Variants in ELF2 observed in about 807,000 individuals in gnomAD.
The protein encoded by ELF2 is E74 like ETS transcription factor 2.
A neutral mutation model predicts 54.8 loss-of-function variants in ELF2; 11 were observed. The ratio of observed to expected loss-of-function variants is 0.20; its 90% CI spans 0.13 to 0.33. ELF2 has a LOEUF of 0.33. ELF2 is among the 10% of genes least tolerant of loss of function. The probability of loss-of-function intolerance (pLI) is 1.00; values close to 1 mark genes in which losing one functional copy is unlikely to be tolerated. For missense variants in ELF2, 513 were observed against 703.0 expected (o/e 0.73, Z 3.06); for synonymous variants, 203 against 245.1 (o/e 0.83, Z 1.61).
chr4:139,132,253 G>A (rs575544637), intron 3 of ELF2, among the ~76,000 whole-genome samples: 1 of 152,124 alleles, frequency 6.6e-6, no homozygotes, highest in African/African-American at 2.4e-5. Flanking sequence ...ACTTTAAAAA[G>A]GAATCCATTT....
intron 1 of ELF2, among the ~76,000 whole-genome samples, chr4:139,164,065 GGGGTGAGAGAGAAAGAGGGAGGGAGAGA>G (rs1741450745): frequency 1.3e-5 from 2 of 148,510 alleles, no homozygotes; most frequent in Non-Finnish European, 3.0e-5. Context: ...AGAAAGAGTG[GGGGTGAGAGAGAAAGAGGGAGGGAGAGA>G]GGGAGAGAGA....
At chr4:139,098,194 T>A (rs1399066116) in intron 4 of ELF2, among the ~76,000 whole-genome samples, 1 of 152,230 alleles carries the variant, frequency 6.6e-6, no homozygotes, top group Non-Finnish European at 1.5e-5. Flanking sequence ...TATTTTTAAT[T>A]TCATATATGC....
At chr4:139,148,045 C>G (rs1316811304) in intron 1 of ELF2, among the ~76,000 whole-genome samples, 1 of 150,506 alleles carries the variant, frequency 6.6e-6, no homozygotes, top group African/African-American at 2.5e-5. Flanking sequence ...CTCAGCCTCC[C>G]AAAATGCAGG....
At chr4:139,081,923 A>G (rs1731169341) in intron 4 of ELF2, among the ~76,000 whole-genome samples, 1 of 152,228 alleles carries the variant, frequency 6.6e-6, no homozygotes, top group Non-Finnish European at 1.5e-5. Context: ...CATTATTATC[A>G]TAAACTTTAA....
At chr4:139,115,624 T>G (rs1482880125) in intron 4 of ELF2, among the ~76,000 whole-genome samples, 1 of 152,060 alleles carries the variant, frequency 6.6e-6, no homozygotes, top group Admixed American at 6.5e-5. Flanking sequence ...AATGAGAGTT[T>G]CAGGAAAGAT....
At chr4:139,166,768 T>C (rs1235860302) in intron 1 of ELF2, among the ~76,000 whole-genome samples, 3 of 152,076 alleles carry the variant, frequency 2.0e-5, no homozygotes, top group Non-Finnish European at 4.4e-5. Context: ...CTCAGGAGGC[T>C]GAGGCAGGAG....
chr4:139,084,107 C>T (rs745591578), intron 4 of ELF2: 52 of 1,613,022 alleles, frequency 3.2e-5, no homozygotes, highest in Non-Finnish European at 4.2e-5. Context: ...CACCGATGCA[C>T]GGGAGAAAAG....
At chr4:139,111,190 C>T (rs942005672) in intron 4 of ELF2, among the ~76,000 whole-genome samples, 1 of 152,112 alleles carries the variant, frequency 6.6e-6, no homozygotes, top group African/African-American at 2.4e-5. Flanking sequence ...AGAACACTGT[C>T]GATGATGCCA....
chr4:139,140,729 G>A (rs1738621975), intron 1 of ELF2, among the ~76,000 whole-genome samples: 1 of 151,702 alleles, frequency 6.6e-6, no homozygotes, highest in Non-Finnish European at 1.5e-5. Context: ...ACTCAAGCCT[G>A]GGTGACAGAG....
At chr4:139,151,831 T>C (rs993455738) in intron 1 of ELF2, among the ~76,000 whole-genome samples, 5 of 152,368 alleles carry the variant, frequency 3.3e-5, no homozygotes, top group Non-Finnish European at 5.9e-5. Context: ...TACTAACCCT[T>C]TGACAAATTC....
chr4:139,060,241 T>A, intron 9 of ELF2, 83 bp downstream of exon 9: 1 of 1,269,898 alleles, frequency 7.9e-7, no homozygotes, highest in Non-Finnish European at 1.1e-6. Context: ...AACACTAATA[T>A]TAAGCAAAAG....
At position 139,094,950 on chromosome 4, in the gene ELF2, C is replaced by T. The variant is rs151254222; in HGVS notation, c.239-21383G>A. 9.7e-3 allele frequency among the ~76,000 whole-genome samples: 1,473 copies of T among 152,064 alleles called. 12 individuals are homozygous for T. Among genetic ancestry groups the T allele is most frequent in the Non-Finnish European group, 0.014 (933 of 67,992 alleles). ...TCTTATTGATTATTGCTCTTGCATA[C>T]GGCAAACCTGATGAAACTTCTTAAC... On this transcript the variant is annotated intron_variant, in intron 4 of 9. Coordinates refer to ENST00000686138, the MANE Select transcript of ELF2 (RefSeq NM_001331036.3).
At chr4:139,083,398 C>T (rs1186079305) in intron 4 of ELF2, among the ~76,000 whole-genome samples, 2 of 152,188 alleles carry the variant, frequency 1.3e-5, no homozygotes, top group African/African-American at 4.8e-5. Context: ...GGGGCATAAA[C>T]CTAGTTTCTT....
chr4:139,159,431 T>C (rs1740874863), intron 1 of ELF2, among the ~76,000 whole-genome samples: 4 of 152,112 alleles, frequency 2.6e-5, no homozygotes, highest in Admixed American at 2.6e-4. Context: ...CCAAGAACCA[T>C]TTGCCTTGTG....
At chr4:139,103,324 T>C (rs1389581963) in intron 4 of ELF2, among the ~76,000 whole-genome samples, 1 of 152,182 alleles carries the variant, frequency 6.6e-6, no homozygotes, top group African/African-American at 2.4e-5. Context: ...CCTAGGTATC[T>C]TCAGGATGGG....
At chr4:139,093,060 G>A (rs1038394518) in intron 4 of ELF2, among the ~76,000 whole-genome samples, 1 of 151,082 alleles carries the variant, frequency 6.6e-6, no homozygotes, top group Non-Finnish European at 1.5e-5. Context: ...CCGCCTCCCG[G>A]GTTCACGCCA....
At chr4:139,137,260 C>T (rs922296747) in intron 3 of ELF2, 1 of 185,564 alleles carries the variant, frequency 5.4e-6, no homozygotes. Context: ...AAAGCACATA[C>T]AAAATTCTAA....
At chr4:139,171,357 C>T (rs1450104742) in intron 1 of ELF2, among the ~76,000 whole-genome samples, 1 of 152,118 alleles carries the variant, frequency 6.6e-6, no homozygotes, top group African/African-American at 2.4e-5. Flanking sequence ...GCTCTGGTCG[C>T]ACCACTGCAC....
At position 139,062,107 on chromosome 4, in the gene ELF2, TACATAATTAAAA is replaced by T. The variant is rs763527868; in HGVS notation, c.614-62_614-51del. On this transcript the variant is annotated intron_variant, in intron 7 of 9. Coordinates refer to ENST00000686138, the MANE Select transcript of ELF2 (RefSeq NM_001331036.3). Reference sequence around the variant, plus strand: ...ATTAAAATTCATTAACATAATTAAATACATAATTAAAAGCAAATAAAGTGTCCTTCATTGTAT... The same window carrying T: ...ATTAAAATTCATTAACATAATTAAATGCAAATAAAGTGTCCTTCATTGTAT... 33 of 1,515,278 alleles carry T rather than the reference TACATAATTAAAA, an allele frequency of 2.2e-5. No individual in the cohort carries two copies. The African/African-American group carries it at 4.4e-4, about 20-fold the overall frequency. 93.9% of individuals were successfully genotyped at this position (1,515,278 alleles called of 1,614,324 possible).
Sources: gnomAD v4.1 joint callset for allele counts (sites outside exome capture counted in the v4.1 genomes callset) on GRCh38, gnomAD v4.1.1 for gene constraint, MANE v1.5 for transcripts, NCBI Gene and HGNC (gene_info 2026-07-23, HGNC 2026-07-21) for gene names.